The following STN1 variants were observed in gnomAD, a reference collection of about 807,000 sequenced individuals.
STN1 encodes the protein CST complex subunit STN1.
A neutral mutation model predicts 45.5 loss-of-function variants in STN1; 29 were observed. The ratio of observed to expected loss-of-function variants is 0.64; its 90% CI spans 0.47 to 0.87. The LOEUF (loss-of-function observed/expected upper bound fraction) is 0.87. Among genes scored for constraint, STN1 ranks in the 40% least tolerant of loss-of-function variants. The probability of loss-of-function intolerance (pLI) is 0.00; values close to 1 mark genes in which losing one functional copy is unlikely to be tolerated. For missense variants in STN1, 376 were observed against 441.4 expected (o/e 0.85, Z 1.33); for synonymous variants, 148 against 159.0 (o/e 0.93, Z 0.52).
chr10:103,892,076 A>C, intron 8 of STN1, 54 bp downstream of exon 8: 2 of 1,364,920 alleles, frequency 1.5e-6, no homozygotes, highest in Admixed American at 4.6e-5. Context: ...TAAGTAATAA[A>C]TATATTTGTA....
intron 5 of STN1, 184 bp downstream of exon 5, chr10:103,899,878 C>A (rs1258400516): frequency 3.7e-6 from 2 of 544,968 alleles, no homozygotes. Flanking sequence ...AATTAGCTGT[C>A]TTCAAAATAA....
intron 4 of STN1, among the ~76,000 whole-genome samples, chr10:103,904,850 C>T (rs1381310373): frequency 6.6e-6 from 1 of 152,170 alleles, no homozygotes; most frequent in Non-Finnish European, 1.5e-5. Context: ...AACCTATTCA[C>T]ATTCTTGTAG....
rs757861791 is a variant in STN1, at chr10:103,897,572, C to T, written c.729G>A (p.Val243=). 1.8e-5 allele frequency: 29 copies of T among 1,614,132 alleles called. No homozygotes were observed. The highest frequency in any genetic ancestry group is 2.5e-5 in the Non-Finnish European group (29 of 1,180,014). Residue 243 remains valine (V), a synonymous_variant, in exon 7 of 10, where the codon GTG becomes GTA. Coordinates refer to ENST00000224950, the MANE Select transcript of STN1 (RefSeq NM_024928.5). ...CTTGGTCGGAGGAGGCACTGTGAATCACAGGCTGATTGGCAAGGGACAGCA... is the reference window on the plus strand; with the variant it reads ...CTTGGTCGGAGGAGGCACTGTGAATTACAGGCTGATTGGCAAGGGACAGCA... ...ESLLSLANQP[V]IHSASSDQVN...
At chr10:103,912,508 C>A (rs886121283) in intron 2 of STN1, among the ~76,000 whole-genome samples, 1 of 152,214 alleles carries the variant, frequency 6.6e-6, no homozygotes, top group Non-Finnish European at 1.5e-5. Flanking sequence ...TCCCTGTGTC[C>A]TGTGTAGTCA....
intron 3 of STN1, among the ~76,000 whole-genome samples, chr10:103,906,670 AAAAT>A (rs1476305808): frequency 1.3e-5 from 2 of 151,862 alleles, no homozygotes; most frequent in East Asian, 2.0e-4. Context: ...CAAAAAATAA[AAAAT>A]AAATAAAGAG....
At chr10:103,886,253 T>G (rs967286254) in intron 9 of STN1, among the ~76,000 whole-genome samples, 2 of 152,234 alleles carry the variant, frequency 1.3e-5, no homozygotes, top group Admixed American at 6.5e-5. Context: ...GCTGCCATTT[T>G]GGAACTCATC....
chr10:103,896,710 A>G (rs918788409), intron 7 of STN1, among the ~76,000 whole-genome samples: 2 of 151,644 alleles, frequency 1.3e-5, no homozygotes, highest in African/African-American at 2.4e-5. Flanking sequence ...TAATTTTTGT[A>G]TTTTTAGTAG....
rs1037143780 is a variant in STN1, at chr10:103,906,828, A to G, written c.230-1672T>C. 3.9e-5 allele frequency among the ~76,000 whole-genome samples: 6 copies of G among 152,386 alleles called. No individual in the cohort carries two copies. The East Asian group carries it at 7.7e-4, about 20-fold the overall frequency. Reference sequence around the variant, plus strand: ...CTAGTTACCATTAAGAAAAGCAAGTATACATAATTTATCAACAATGAAATT... The same window carrying G: ...CTAGTTACCATTAAGAAAAGCAAGTGTACATAATTTATCAACAATGAAATT... On this transcript the variant is annotated intron_variant, in intron 3 of 9. Coordinates refer to ENST00000224950, the MANE Select transcript of STN1 (RefSeq NM_024928.5).
Position 103,905,124 on chromosome 10 carries a change from A to C in STN1, c.262T>G (p.Cys88Gly). 1 of 1,614,176 alleles carries C rather than the reference A, an allele frequency of 6.2e-7. No individual in the cohort carries two copies. ...GACTCAGTATTCAACTTTTTCCAGC[A>C]GATGCAGTTTATAACTCCAGTGCTG... is the stretch of plus-strand genomic sequence containing the variant. Reference protein sequence around the residue: ...DDSTGVINCICWKKLNTESVS... With the variant: ...DDSTGVINCIGWKKLNTESVS... The change falls in exon 4 of 10, where the codon TGC (cysteine) becomes GGC (glycine). Residue 88 changes from cysteine (C) to glycine (G), a missense_variant. Transcript: ENST00000224950.
intron 7 of STN1, among the ~76,000 whole-genome samples, chr10:103,893,352 T>C (rs1271249984): frequency 6.6e-6 from 1 of 152,098 alleles, no homozygotes; most frequent in African/African-American, 2.4e-5. Flanking sequence ...GTATTTTTAG[T>C]AGAGACAGGG....
chr10:103,902,901 C>T (rs192181100), intron 4 of STN1, among the ~76,000 whole-genome samples: 102 of 152,286 alleles, frequency 6.7e-4, no homozygotes, highest in African/African-American at 2.3e-3. Flanking sequence ...AATCTTAAGG[C>T]TACCTACTGT....
chr10:103,899,831 A>G (rs1201495849), intron 5 of STN1: 1 of 465,308 alleles, frequency 2.1e-6, no homozygotes, highest in African/African-American at 2.0e-5. Context: ...TGCCAACCAT[A>G]TATAAAGTAA....
At chr10:103,900,307 G>T in intron 4 of STN1, 84 bp from the exon 5 acceptor site, 1 of 1,324,530 alleles carries the variant, frequency 7.5e-7, no homozygotes, top group African/African-American at 1.5e-5. Context: ...TTTAGGGTAA[G>T]ACCAACACAA....
At chr10:103,914,370 ATATATT>A (rs1297141099) in intron 2 of STN1, among the ~76,000 whole-genome samples, 12 of 29,034 alleles carry the variant, frequency 4.1e-4, no homozygotes, top group African/African-American at 6.2e-4. Flanking sequence ...ATATATATAT[ATATATT>A]TTTTTTTTTT....
chr10:103,905,177 G>C, intron 3 of STN1, 21 bp from the exon 4 acceptor site: 1 of 1,610,442 alleles, frequency 6.2e-7, no homozygotes, highest in Non-Finnish European at 8.5e-7. Flanking sequence ...AAAGCAAAAG[G>C]GTATAAGAGA....
rs755809863 is a variant in STN1, at chr10:103,910,538, T to C, written c.218A>G (p.Tyr73Cys). The C allele has an allele frequency of 3.1e-6, 5 of 1,594,144 alleles. No individual in the cohort carries two copies. Among genetic ancestry groups the C allele is most frequent in the East Asian group, 2.2e-5 (1 of 44,794 alleles). Residue 73 changes from tyrosine to cysteine, a missense_variant, in exon 3 of 10, where the codon TAC becomes TGC. Transcript: ENST00000224950. ...ACAATTGTTCTTACCTCCATAACTG[T>C]AGAAAGCATCTCTTTCTCTCACTCC... is the stretch of plus-strand genomic sequence containing the variant. ...VIGVRERDAF[Y>C]SYGVDDSTGV... is the part of the protein sequence containing the mutation.
intron 2 of STN1, among the ~76,000 whole-genome samples, chr10:103,914,709 C>T (rs1231186998): frequency 6.6e-6 from 1 of 151,938 alleles, no homozygotes; most frequent in African/African-American, 2.4e-5. Context: ...AAAGAACCCA[C>T]ACAAATCTAA....
chr10:103,889,061 A>G lies in STN1; in HGVS notation c.949+11T>C. 1 of 1,597,304 alleles carries G rather than the reference A, an allele frequency of 6.3e-7. No individual in the cohort carries two copies. The highest frequency in any genetic ancestry group is 8.6e-7 in the Non-Finnish European group (1 of 1,164,666). On this transcript the variant is annotated intron_variant, in intron 9 of 9. Coordinates refer to ENST00000224950, the MANE Select transcript of STN1 (RefSeq NM_024928.5). ...GGCACCAGGGCATCACTTGTACATT[A>G]TACCACTTACGATTTGGTTTCTGGC...
Position 103,877,598 on chromosome 10 carries a change from A to G in STN1, c.*5086T>C, listed in dbSNP as rs1843039352. On this transcript the variant is annotated 3_prime_UTR_variant, in exon 10 of 10. Transcript: ENST00000224950. ...ATTTACCTATTCAGGTTTATTTAAT[A>G]AATACAGTAGAGGTTAACAGATGAT... 1 of 152,228 alleles carries G rather than the reference A, an allele frequency of 6.6e-6. No homozygotes were observed. The highest frequency in any genetic ancestry group is 2.4e-5 in the African/African-American group (1 of 41,460). The allele number at this position is 152,228 out of a possible 1,614,324, so 9.4% of individuals were successfully genotyped here.
Sources: gnomAD v4.1 joint callset for allele counts (sites outside exome capture counted in the v4.1 genomes callset) on GRCh38, gnomAD v4.1.1 for gene constraint, MANE v1.5 for transcripts, NCBI Gene and HGNC (gene_info 2026-07-23, HGNC 2026-07-21) for gene names.